MGAM: variants seen among roughly 807,000 people sequenced by gnomAD.
MGAM encodes the protein alpha-1,4-glucosidase.
Under a neutral mutation model 358.8 loss-of-function variants are expected in MGAM, and 253 were observed. The ratio of observed to expected loss-of-function variants is 0.71; its 90% CI spans 0.64 to 0.78. The LOEUF is 0.78. Among genes scored for constraint, MGAM ranks in the 30% least tolerant of loss-of-function variants. The pLI is 0.00. For synonymous variants in MGAM, 1,105 were observed against 1,227.1 expected, an observed-to-expected ratio of 0.90 and a Z score of 2.08; for missense variants, 3,080 against 3,432.6, an observed-to-expected ratio of 0.90 and a Z score of 2.57.
chr7:142,043,297 C>A, intron 21 of MGAM, among the ~76,000 whole-genome samples: 4 of 7,174 alleles, frequency 5.6e-4, no homozygotes, highest in East Asian at 6.3e-3. Context: ...CATATAATAT[C>A]TAAATATAAT....
intron 42 of MGAM, among the ~76,000 whole-genome samples, chr7:142,067,683 C>G (rs1179780414): frequency 7.0e-6 from 1 of 141,934 alleles, no homozygotes; most frequent in African/African-American, 2.5e-5. Flanking sequence ...GTCAATGACA[C>G]AATCATTTCT....
chr7:142,005,676 G>C lies in MGAM; in HGVS notation c.127+19G>C. On this transcript the variant is annotated intron_variant, in intron 2 of 70. Transcript: ENST00000475668. Reference sequence around the variant, plus strand: ...TCAACAGGTAAGAAGTAACTCTGGGGCTCTCTCCATATGTTGTTTTTATTA... The same window carrying C: ...TCAACAGGTAAGAAGTAACTCTGGGCCTCTCTCCATATGTTGTTTTTATTA... 6.3e-7 allele frequency: 1 copy of C among 1,594,980 alleles called. No individual in the cohort carries two copies.
At position 142,089,663 on chromosome 7, in the gene MGAM, C is replaced by T. The variant is rs534054713; in HGVS notation, c.6811-2250C>T. Among the ~76,000 whole-genome samples the T allele has an allele frequency of 1.6e-3, 237 of 145,084 alleles. 15 individuals are homozygous for T. Among genetic ancestry groups the T allele is most frequent in the African/African-American group, 5.1e-3 (211 of 41,046 alleles). Reference sequence around the variant, plus strand: ...AAAGTTAGCCAGGCGTGGTGGCACGCGCCTGTAATCCCACTTAGGAGGCTG... The same window carrying T: ...AAAGTTAGCCAGGCGTGGTGGCACGTGCCTGTAATCCCACTTAGGAGGCTG... On this transcript the variant is annotated intron_variant, in intron 57 of 70. Coordinates refer to ENST00000475668, the MANE Select transcript of MGAM (RefSeq NM_001365693.1).
chr7:142,105,697 A>G, intron 70 of MGAM, 117 bp from the exon 71 acceptor site: 1 of 730,640 alleles, frequency 1.4e-6, no homozygotes, highest in South Asian at 1.7e-5. Flanking sequence ...TTTTAACTAG[A>G]CAATACAATG....
intron 1 of MGAM, among the ~76,000 whole-genome samples, chr7:142,004,750 C>T (rs1413231824): frequency 6.6e-6 from 1 of 151,972 alleles, no homozygotes; most frequent in African/African-American, 2.4e-5. Flanking sequence ...CATAGATCTT[C>T]TAGTTCAATT....
At chr7:142,026,885 C>T (rs893671998) in intron 8 of MGAM, among the ~76,000 whole-genome samples, 19 of 152,252 alleles carry the variant, frequency 1.2e-4, no homozygotes, top group Non-Finnish European at 2.2e-4. Flanking sequence ...GACACTAAGA[C>T]ACTCCAGTCA....
chr7:142,048,159 A>G (rs1810574919), intron 22 of MGAM, among the ~76,000 whole-genome samples: 1 of 118,096 alleles, frequency 8.5e-6, no homozygotes, highest in South Asian at 2.7e-4. Flanking sequence ...TTATTTATTT[A>G]TTTATTTATT....
In MGAM at chr7:142,056,960, T is replaced by G; in HGVS notation, c.3693+18T>G. ...ACACTGAGGTAGGGGGAAATCCAAT[T>G]GTTTATCAAGTACTTACACAGCACA... On this transcript the variant is annotated intron_variant, in intron 30 of 70. Coordinates refer to ENST00000475668, the MANE Select transcript of MGAM (RefSeq NM_001365693.1). 1 of 1,611,776 alleles carries G rather than the reference T, an allele frequency of 6.2e-7. No homozygotes were observed. Among genetic ancestry groups the G allele is most frequent in the South Asian group, 1.1e-5 (1 of 90,850 alleles).
In MGAM at chr7:142,052,461, G is replaced by GAA; in HGVS notation, c.2958+15_2958+16insAA. On this transcript the variant is annotated intron_variant, in intron 25 of 70. Transcript: ENST00000475668. ...GTATCTGGGAGGTAACCATGCTGAT[G>GAA]GGGTTTGTGTGCATGAGAATCTCCA... 6.2e-7 allele frequency: 1 copy of GAA among 1,612,524 alleles called. No homozygotes were observed. The highest frequency in any genetic ancestry group is 8.5e-7 in the Non-Finnish European group (1 of 1,179,514).
intron 54 of MGAM, among the ~76,000 whole-genome samples, chr7:142,085,339 A>C (rs1381726521): frequency 6.8e-6 from 1 of 146,768 alleles, no homozygotes; most frequent in Non-Finnish European, 1.5e-5. Context: ...CTCCAGAAGA[A>C]TGTAGTGTCT....
chr7:141,987,423 G>A (rs549729605), intron 2 of MGAM, among the ~76,000 whole-genome samples: 16 of 152,256 alleles, frequency 1.1e-4, no homozygotes, highest in Middle Eastern at 3.4e-3. Context: ...TGCTCACTCA[G>A]TGCAGTATGA....
At position 142,030,662 on chromosome 7, in the gene MGAM, T is replaced by A. The variant is rs782416042; in HGVS notation, c.1375T>A (p.Ser459Thr). Residue 459 changes from serine (S) to threonine (T), a missense_variant, in exon 12 of 71, where the codon TCT (serine) becomes ACT (threonine). This residue lies in a region of MGAM where 1,816 missense variants were observed against 1,840.5 expected (regional missense o/e 0.99). Coordinates refer to ENST00000475668, the MANE Select transcript of MGAM (RefSeq NM_001365693.1). ...IIVDPAISNN[S>T]SSSKPYGPYD... ...TTAGGATCCAGCCATCTCCAACAAC[T>A]CTTCCTCAAGTAAACCCTATGGCCC... 1.5e-5 allele frequency: 24 copies of A among 1,612,834 alleles called. No homozygotes were observed. The South Asian group carries it at 2.4e-4, about 16-fold the overall frequency.
At chr7:141,994,101 C>G (rs1000438170), upstream of MGAM, among the ~76,000 whole-genome samples, 44 of 152,116 alleles carry the variant, frequency 2.9e-4, no homozygotes, top group African/African-American at 1.0e-3. Context: ...GTCTTGAACT[C>G]CTGGCCTCAG....
chr7:142,078,144 TC>T (rs1437394161), intron 47 of MGAM, among the ~76,000 whole-genome samples, 173 bp from the exon 48 acceptor site: 2 of 145,998 alleles, frequency 1.4e-5, no homozygotes, highest in African/African-American at 4.9e-5. Context: ...CTAAATAGAT[TC>T]CCCCACTGTA....
chr7:142,008,520 A>G lies in MGAM; in HGVS notation c.142A>G (p.Thr48Ala). 1 of 1,610,554 alleles carries G rather than the reference A, an allele frequency of 6.2e-7. No homozygotes were observed. Among genetic ancestry groups the G allele is most frequent in the Non-Finnish European group, 8.5e-7 (1 of 1,178,266 alleles). Residue 48 changes from threonine to alanine, a missense_variant, in exon 3 of 71, where the codon ACA becomes GCA. Thr to Ala is a moderately conservative substitution (Grantham distance 58). Coordinates refer to ENST00000475668, the MANE Select transcript of MGAM (RefSeq NM_001365693.1). Reference sequence around the variant, plus strand: ...TTTTGGTATAGCCCCAGATCCTGGGACAACTGGTACCCCAGATCCTGGGAC... The same window carrying G: ...TTTTGGTATAGCCCCAGATCCTGGGGCAACTGGTACCCCAGATCCTGGGAC... ...SLKSTAPDPG[T>A]TGTPDPGTTG...
chr7:142,072,691 G>A (rs1813438843), intron 44 of MGAM, among the ~76,000 whole-genome samples: 1 of 146,118 alleles, frequency 6.8e-6, no homozygotes, highest in East Asian at 2.0e-4. Context: ...GCATCTAAAT[G>A]TGGGTCTCCT....
intron 42 of MGAM, among the ~76,000 whole-genome samples, chr7:142,067,964 AAATATATATATATATATATATATTTTT>A (rs1478390671): frequency 1.9e-4 from 6 of 31,102 alleles, no homozygotes; most frequent in African/African-American, 5.9e-4. Context: ...ATATATATAT[AAATATATATATATATATATATATTTTT>A]TTTTTTTTTT....
At position 142,070,926 on chromosome 7, in the gene MGAM, G is replaced by A. The variant is rs887413959; in HGVS notation, c.5062-68G>A. On this transcript the variant is annotated intron_variant, in intron 43 of 70. Coordinates refer to ENST00000475668, the MANE Select transcript of MGAM (RefSeq NM_001365693.1). ...TTCAGAGGGGAGGATGAGATGTCTG[G>A]CAGGATGCATTGTTCAGGGAGGGGC... 1.8e-5 allele frequency: 28 copies of A among 1,523,876 alleles called. 6 individuals are homozygous for A. Among genetic ancestry groups the A allele is most frequent in the Non-Finnish European group, 2.3e-5 (25 of 1,107,310 alleles). The allele number at this position is 1,523,876 out of a possible 1,614,324, so 94.4% of individuals were successfully genotyped here.
intron 27 of MGAM, 81 bp from the exon 28 acceptor site, chr7:142,055,477 C>G (rs1456087355): frequency 6.5e-7 from 1 of 1,541,386 alleles, no homozygotes; most frequent in African/African-American, 1.4e-5. Context: ...ATCAAGTGTT[C>G]TGTTGTCCTT....
Sources: gnomAD v4.1 joint callset for allele counts (sites outside exome capture counted in the v4.1 genomes callset) on GRCh38, gnomAD v4.1.1 for gene constraint, gnomAD v4.1.1 regional missense constraint, MANE v1.5 for transcripts, NCBI Gene and HGNC (gene_info 2026-07-23, HGNC 2026-07-21) for gene names.